LRRC4C: variants seen among roughly 807,000 people sequenced by gnomAD.
LRRC4C encodes the protein leucine rich repeat containing 4C.
Under a neutral mutation model 33.6 loss-of-function variants are expected in LRRC4C, and 5 were observed. The observed-to-expected ratio is 0.15, with a 90% CI of 0.08 to 0.31. The LOEUF is 0.31. Among genes scored for constraint, LRRC4C ranks in the 10% least tolerant of loss-of-function variants. LRRC4C has a pLI of 1.00. For synonymous variants in LRRC4C, 329 were observed against 302.0 expected (o/e 1.09, Z -0.93); for missense variants, 560 against 796.7 (o/e 0.70, Z 3.58).
At chr11:40,649,391 A>G (rs1942651924) in intron 2 of LRRC4C, among the ~76,000 whole-genome samples, 1 of 152,132 alleles carries the variant, frequency 6.6e-6, no homozygotes, top group Admixed American at 6.6e-5. Flanking sequence ...TATCTTCCCT[A>G]CTTGCACATC....
At chr11:40,566,086 G>GTTTTTTTTTTTTTTTTTTTTTTTTATTTT in intron 3 of LRRC4C, among the ~76,000 whole-genome samples, 1 of 62,792 alleles carries the variant, frequency 1.6e-5, no homozygotes, top group Non-Finnish European at 2.9e-5. Context: ...TTTTTACTAA[G>GTTTTTTTTTTTTTTTTTTTTTTTTATTTT]TTTTTTTTTT....
chr11:41,314,323 C>G (rs1035212920), intron 1 of LRRC4C, among the ~76,000 whole-genome samples: 1 of 152,088 alleles, frequency 6.6e-6, no homozygotes, highest in South Asian at 2.1e-4. Flanking sequence ...AGTGAAATAA[C>G]TGTTATAATA....
chr11:40,935,412 C>T (rs10837528), intron 1 of LRRC4C, among the ~76,000 whole-genome samples: 52,687 of 151,920 alleles, frequency 0.35, 9,280 homozygotes, highest in East Asian at 0.47. Context: ...ATACACTGCA[C>T]GTGGATGTTT....
At chr11:41,114,406 T>C (rs1193936812) in intron 1 of LRRC4C, among the ~76,000 whole-genome samples, 1 of 152,090 alleles carries the variant, frequency 6.6e-6, no homozygotes, top group Non-Finnish European at 1.5e-5. Context: ...TATAGCTACC[T>C]TACTTGATAT....
intron 3 of LRRC4C, among the ~76,000 whole-genome samples, chr11:40,347,416 CA>C (rs887286870): frequency 3.3e-5 from 5 of 152,138 alleles, no homozygotes; most frequent in Admixed American, 2.6e-4. Context: ...ATATTGGCAA[CA>C]GGCTGTTTTG....
intron 1 of LRRC4C, among the ~76,000 whole-genome samples, chr11:41,344,155 A>C (rs1344105190): frequency 6.7e-6 from 1 of 148,780 alleles, no homozygotes; most frequent in Non-Finnish European, 1.5e-5. Context: ...CCCATTCCCC[A>C]TGTCTTCCGC....
intron 3 of LRRC4C, among the ~76,000 whole-genome samples, chr11:40,448,357 C>G (rs926522663): frequency 2.6e-5 from 4 of 151,996 alleles, no homozygotes; most frequent in African/African-American, 9.7e-5. Flanking sequence ...ACCTATCAAC[C>G]CATCATCTAC....
intron 3 of LRRC4C, among the ~76,000 whole-genome samples, chr11:40,542,115 A>AT (rs776166151): frequency 1.9e-4 from 20 of 107,280 alleles, no homozygotes; most frequent in South Asian, 6.4e-4. Flanking sequence ...TTCTTCTCAC[A>AT]TTTTTTATAT....
intron 2 of LRRC4C, among the ~76,000 whole-genome samples, chr11:40,930,795 T>G (rs1319757012): frequency 6.6e-6 from 1 of 152,216 alleles, no homozygotes; most frequent in Non-Finnish European, 1.5e-5. Context: ...AAAAATGGGT[T>G]ACATTCAAGA....
intron 3 of LRRC4C, among the ~76,000 whole-genome samples, chr11:40,452,734 A>G (rs966735495): frequency 1.3e-5 from 2 of 152,240 alleles, no homozygotes; most frequent in Non-Finnish European, 2.9e-5. Flanking sequence ...ATGCACATGT[A>G]TGTTTACTGC....
chr11:41,303,150 C>G (rs568741484), intron 1 of LRRC4C, among the ~76,000 whole-genome samples: 11 of 147,274 alleles, frequency 7.5e-5, no homozygotes, highest in Non-Finnish European at 1.5e-4. Context: ...CATGCGGAGC[C>G]GAAGCTGGAC....
intron 2 of LRRC4C, among the ~76,000 whole-genome samples, chr11:40,705,678 T>C (rs1946129984): frequency 6.6e-6 from 1 of 152,072 alleles, no homozygotes; most frequent in Non-Finnish European, 1.5e-5. Context: ...TGTGTGCATG[T>C]GTCTTTATAG....
At chr11:40,756,766 A>G (rs1366582595) in intron 2 of LRRC4C, among the ~76,000 whole-genome samples, 1 of 152,082 alleles carries the variant, frequency 6.6e-6, no homozygotes, top group Non-Finnish European at 1.5e-5. Context: ...AATATTACCT[A>G]GAAACTGATT....
intron 3 of LRRC4C, among the ~76,000 whole-genome samples, chr11:40,389,477 A>ACAC (rs1555042546): frequency 0.015 from 2,195 of 151,288 alleles, 47 homozygotes; most frequent in African/African-American, 0.05. Context: ...CTCAAAAAAA[A>ACAC]AAATAATCAA....
At chr11:40,208,280 G>A (rs1863308828) in intron 5 of LRRC4C, among the ~76,000 whole-genome samples, 1 of 152,118 alleles carries the variant, frequency 6.6e-6, no homozygotes, top group African/African-American at 2.4e-5. Context: ...TGAGCAAATT[G>A]CAAATGAAGA....
chr11:41,265,720 C>T (rs1434754712), intron 1 of LRRC4C, among the ~76,000 whole-genome samples: 1 of 152,010 alleles, frequency 6.6e-6, no homozygotes, highest in Non-Finnish European at 1.5e-5. Context: ...TGTGGGGATC[C>T]TCTTACTCAA....
chr11:40,278,775 C>A (rs1372746832), intron 4 of LRRC4C, among the ~76,000 whole-genome samples: 1 of 126,102 alleles, frequency 7.9e-6, no homozygotes, highest in Non-Finnish European at 1.6e-5. Context: ...CTCTCTACCA[C>A]CAGACGTATG....
At chr11:41,075,844 T>C (rs1156489128) in intron 1 of LRRC4C, among the ~76,000 whole-genome samples, 1 of 152,208 alleles carries the variant, frequency 6.6e-6, no homozygotes, top group South Asian at 2.1e-4. Flanking sequence ...ACCAACTCAA[T>C]TGCTAAATCC....
intron 1 of LRRC4C, among the ~76,000 whole-genome samples, chr11:41,332,629 T>C (rs551262990): frequency 8.2e-4 from 125 of 152,324 alleles, no homozygotes; most frequent in Non-Finnish European, 4.3e-4. Context: ...TAGTAAAAAG[T>C]CTATTAATAA....
Sources: gnomAD v4.1 joint callset for allele counts (sites outside exome capture counted in the v4.1 genomes callset) on GRCh38, gnomAD v4.1.1 for gene constraint, MANE v1.5 for transcripts, NCBI Gene and HGNC (gene_info 2026-07-23, HGNC 2026-07-21) for gene names.